Variants in RNF123 observed in about 807,000 individuals in gnomAD.
The protein encoded by RNF123 is E3 ubiquitin-protein ligase RNF123.
Under a neutral mutation model 168.5 loss-of-function variants are expected in RNF123, and 86 were observed. That is an observed-to-expected ratio of 0.51 (90% CI 0.43 to 0.61). The LOEUF (loss-of-function observed/expected upper bound fraction) is 0.61. RNF123 is among the 20% of genes least tolerant of loss of function. The probability of loss-of-function intolerance (pLI) is 0.00; values close to 1 mark genes in which losing one functional copy is unlikely to be tolerated. For missense variants in RNF123, 1,419 were observed against 1,729.7 expected (o/e 0.82, Z 3.19); for synonymous variants, 666 against 689.1 (o/e 0.97, Z 0.52).
At chr3:49,710,728 T>G (rs1049650978) in intron 26 of RNF123, among the ~76,000 whole-genome samples, 2 of 152,234 alleles carry the variant, frequency 1.3e-5, no homozygotes, top group African/African-American at 2.4e-5. Flanking sequence ...TCCTTTCTTT[T>G]TCATGCTTAG....
At chr3:49,710,303 G>A (rs2080119202) in intron 26 of RNF123, among the ~76,000 whole-genome samples, 1 of 152,046 alleles carries the variant, frequency 6.6e-6, no homozygotes, top group Admixed American at 6.6e-5. Flanking sequence ...GTTTTGAGAG[G>A]GAGTCTCGCT....
At position 49,701,578 on chromosome 3, in the gene RNF123, C is replaced by T. The variant is rs752012341; in HGVS notation, c.1365C>T (p.Thr455=). ...EEAGLQELIP[T]TWWPHCSSRE... ...CCGGCCTGCAGGAGCTCATTCCCAC[C>T]ACCTGGTGGCCCCACTGCTCCAGTA... The change falls in exon 16 of 39, where the codon ACC becomes ACT. Residue 455 remains threonine (T), a synonymous_variant. Coordinates refer to ENST00000327697, the MANE Select transcript of RNF123 (RefSeq NM_022064.5). 2 of 1,613,666 alleles carry T rather than the reference C, an allele frequency of 1.2e-6. No individual in the cohort carries two copies. The highest frequency in any genetic ancestry group is 1.7e-6 in the Non-Finnish European group (2 of 1,179,978).
At chr3:49,718,617 C>T (rs1415680955) in intron 35 of RNF123, 1 of 1,612,994 alleles carries the variant, frequency 6.2e-7, no homozygotes, top group Non-Finnish European at 8.5e-7. Context: ...GCTCTTCCGG[C>T]CGCTCTAGGC....
At chr3:49,711,052 T>C (rs2080134997) in intron 26 of RNF123, among the ~76,000 whole-genome samples, 1 of 151,824 alleles carries the variant, frequency 6.6e-6, no homozygotes, top group African/African-American at 2.4e-5. Context: ...GGGCAACCCA[T>C]CTCTACAAAA....
At position 49,706,015 on chromosome 3, in the gene RNF123, G is replaced by T. The variant is rs745562559; in HGVS notation, c.2338G>T (p.Ala780Ser). Residue 780 changes from alanine (A) to serine (S), a missense_variant, in exon 25 of 39, where the codon GCT (alanine) becomes TCT (serine). Coordinates refer to ENST00000327697, the MANE Select transcript of RNF123 (RefSeq NM_022064.5). ...TGTCTCCGATGATGTCAATGAATAC[G>T]CTATGGCTCTGAGGGACACAGAGGA... Reference protein sequence around the residue: ...VGVSDDVNEYAMALRDTEDKL... With the variant: ...VGVSDDVNEYSMALRDTEDKL... The T allele has an allele frequency of 2.8e-5, 45 of 1,614,026 alleles. No individual in the cohort carries two copies. In the Middle Eastern group the frequency reaches 4.9e-4, roughly 18 times the overall value.
At chr3:49,705,944 C>A in intron 24 of RNF123, 38 bp from the exon 25 acceptor site, 1 of 1,602,376 alleles carries the variant, frequency 6.2e-7, no homozygotes, top group South Asian at 1.1e-5. Context: ...ATGAAGTGCC[C>A]AAGGGGCACT....
chr3:49,699,581 T>C lies in RNF123; in HGVS notation c.878T>C (p.Val293Ala). The change falls in exon 11 of 39, where the codon GTG (valine) becomes GCG (alanine). Residue 293 changes from valine (V) to alanine (A), a missense_variant and splice_region_variant. Coordinates refer to ENST00000327697, the MANE Select transcript of RNF123 (RefSeq NM_022064.5). The surrounding 1 kb of genome is among the most constrained non-coding windows in gnomAD (Gnocchi z 4.8). ...GTGCTGAGTGTGGAGCTGGACCCTG[T>C]GGTGAGCTGGGGTCTGGGCCAGGCG... ...RAVLSVELDP[V>A]EGRLLDKESS... 1 of 1,612,952 alleles carries C rather than the reference T, an allele frequency of 6.2e-7. No individual in the cohort carries two copies. The highest frequency in any genetic ancestry group is 1.1e-5 in the South Asian group (1 of 91,010).
Position 49,701,878 on chromosome 3 carries a change from G to A in RNF123, c.1463G>A (p.Arg488Gln), listed in dbSNP as rs746733911. Reference protein sequence around the residue: ...EERLRRRAYERGCQRLRKRIE... With the variant: ...EERLRRRAYEQGCQRLRKRIE... ...CGGCTGCGGCGGCGAGCCTACGAAC[G>A]GGGCTGTCAGCGGCTCAGGAAGCGC... The change falls in exon 17 of 39, where the codon CGG (arginine) becomes CAG (glutamine). Residue 488 changes from arginine to glutamine, a missense_variant. This residue lies in a region of RNF123 where 349 missense variants were observed against 344.9 expected (regional missense o/e 1.01). Coordinates refer to ENST00000327697, the MANE Select transcript of RNF123 (RefSeq NM_022064.5). 1.7e-5 allele frequency: 26 copies of A among 1,565,770 alleles called. No individual in the cohort carries two copies. Among genetic ancestry groups the A allele is most frequent in the South Asian group, 1.6e-4 (14 of 85,200 alleles).
intron 3 of RNF123, among the ~76,000 whole-genome samples, chr3:49,694,189 C>T (rs928580919): frequency 3.9e-5 from 6 of 152,148 alleles, no homozygotes; most frequent in African/African-American, 1.4e-4. Flanking sequence ...CAGTTCTTTT[C>T]TTAAAACGTT....
intron 35 of RNF123, chr3:49,719,690 G>C (rs2080347915): frequency 1.1e-5 from 6 of 522,484 alleles, no homozygotes; most frequent in South Asian, 8.9e-5. Flanking sequence ...CTCTCCAAGC[G>C]AGTTCCTGAT....
Position 49,697,220 on chromosome 3 carries a change from A to G in RNF123, c.245A>G (p.Gln82Arg), listed in dbSNP as rs776932252. 6.2e-7 allele frequency: 1 copy of G among 1,613,954 alleles called. No individual in the cohort carries two copies. The highest frequency in any genetic ancestry group is 1.7e-5 in the Admixed American group (1 of 60,020). ...LQVDNEEEES[Q>R]GQVEGRLGPS... Reference sequence around the variant, plus strand: ...GTGGACAATGAGGAGGAGGAAAGCCAGGGTATGTGGCCACCTCTGGAGTGG... The same window carrying G: ...GTGGACAATGAGGAGGAGGAAAGCCGGGGTATGTGGCCACCTCTGGAGTGG... The change falls in exon 4 of 39, where the codon CAG becomes CGG. Residue 82 changes from glutamine to arginine, a missense_variant and splice_region_variant. By Grantham distance (43) the Gln-to-Arg change is conservative (BLOSUM62 1). This residue lies in a region of RNF123 where 318 missense variants were observed against 446.6 expected (regional missense o/e 0.71). Coordinates refer to ENST00000327697, the MANE Select transcript of RNF123 (RefSeq NM_022064.5).
intron 22 of RNF123, 105 bp from the exon 23 acceptor site, chr3:49,704,879 C>G: frequency 7.1e-7 from 1 of 1,398,802 alleles, no homozygotes; most frequent in Non-Finnish European, 9.7e-7. Flanking sequence ...TGGGCTGGTG[C>G]CTTGCTGTGG....
intron 21 of RNF123, among the ~76,000 whole-genome samples, chr3:49,704,265 C>A (rs936187942): frequency 5.3e-5 from 8 of 152,106 alleles, no homozygotes; most frequent in African/African-American, 1.9e-4. Flanking sequence ...GCAGCCCTGG[C>A]ATCTCCTTTT....
intron 23 of RNF123, 92 bp from the exon 24 acceptor site, chr3:49,705,441 GA>G: frequency 6.6e-7 from 1 of 1,508,736 alleles, no homozygotes; most frequent in Non-Finnish European, 8.9e-7. Flanking sequence ...TTGGGCACAG[GA>G]ATGGGAGAGA....
chr3:49,695,155 C>A (rs1393684080), intron 3 of RNF123, among the ~76,000 whole-genome samples: 1 of 152,182 alleles, frequency 6.6e-6, no homozygotes, highest in Non-Finnish European at 1.5e-5. Flanking sequence ...GACAGGGTCT[C>A]GCTATGTCAC....
At position 49,699,128 on chromosome 3, in the gene RNF123, G is replaced by A. The variant is rs769038265; in HGVS notation, c.764+23G>A. 2 of 1,609,444 alleles carry A rather than the reference G, an allele frequency of 1.2e-6. No homozygotes were observed. Among genetic ancestry groups the A allele is most frequent in the East Asian group, 4.5e-5 (2 of 44,866 alleles). On this transcript the variant is annotated intron_variant, in intron 10 of 38. Coordinates refer to ENST00000327697, the MANE Select transcript of RNF123 (RefSeq NM_022064.5). This position sits in a 1 kb window ranked among gnomAD's most constrained non-coding sequence, Gnocchi z 4.8. ...GCGATATCATTTTGTGAAGATGGCT[G>A]TGGGCTGCTCAGAAGCTCTTGGGGA...
intron 3 of RNF123, among the ~76,000 whole-genome samples, chr3:49,692,502 C>T (rs1333937293): frequency 6.6e-6 from 1 of 152,152 alleles, no homozygotes; most frequent in Non-Finnish European, 1.5e-5. Flanking sequence ...TAGTTATACT[C>T]TTTTAGTTAT....
intron 26 of RNF123, 33 bp from the exon 27 acceptor site, chr3:49,712,446 G>T: frequency 6.2e-7 from 1 of 1,608,992 alleles, no homozygotes; most frequent in Non-Finnish European, 8.5e-7. Context: ...CCACTGGTGC[G>T]CAACCCAGCA....
At chr3:49,706,133 G>C (rs932993791) in intron 25 of RNF123, 68 bp downstream of exon 25, 6 of 1,416,438 alleles carry the variant, frequency 4.2e-6, no homozygotes, top group Non-Finnish European at 6.0e-6. Flanking sequence ...GATGAAGTCT[G>C]GTTCTGGGGG....
Sources: gnomAD v4.1 joint callset for allele counts (sites outside exome capture counted in the v4.1 genomes callset) on GRCh38, gnomAD v4.1.1 for gene constraint, gnomAD v4.1.1 regional missense constraint, Gnocchi (gnomAD v3.1) non-coding constraint, MANE v1.5 for transcripts, NCBI Gene and HGNC (gene_info 2026-07-23, HGNC 2026-07-21) for gene names.